OLFM3: variants seen among roughly 807,000 people sequenced by gnomAD.
The protein encoded by OLFM3 is olfactomedin 3.
OLFM3 carries 20 observed loss-of-function variants against 48.6 expected under a neutral mutation model. The observed-to-expected ratio is 0.41, with a 90% CI of 0.29 to 0.60. The LOEUF (loss-of-function observed/expected upper bound fraction) is 0.60, where lower values mean the gene tolerates loss of function less well. OLFM3 is among the 20% of genes least tolerant of loss of function. OLFM3 has a pLI of 0.28. For synonymous variants in OLFM3, 222 were observed against 198.1 expected (o/e 1.12, Z -1.01); for missense variants, 437 against 544.3 (o/e 0.80, Z 1.96).
intron 1 of OLFM3, among the ~76,000 whole-genome samples, chr1:101,859,548 G>A (rs528846772): frequency 5.9e-5 from 9 of 152,152 alleles, no homozygotes; most frequent in African/African-American, 2.2e-4. Context: ...AAATGCTTGG[G>A]GACAGAAGTG....
rs547953595 is a variant in OLFM3, at chr1:101,804,127, T to A, written c.*111A>T. 2.4e-6 allele frequency: 2 copies of A among 844,860 alleles called. No individual in the cohort carries two copies. The highest frequency in any genetic ancestry group is 5.7e-5 in the East Asian group (2 of 34,988). 52.3% of individuals were successfully genotyped at this position (844,860 alleles called of 1,614,324 possible). On this transcript the variant is annotated 3_prime_UTR_variant, in exon 6 of 6. Coordinates refer to ENST00000370103, the MANE Select transcript of OLFM3 (RefSeq NM_058170.4). The surrounding 1 kb of genome is among the most constrained non-coding windows in gnomAD (Gnocchi z 4.5). ...AACACCAACTTTACAATAAAAATGC[T>A]TTGCTTTGGAGAAATGATGAAAAAT...
chr1:101,908,262 T>C (rs1422066785), intron 1 of OLFM3, among the ~76,000 whole-genome samples: 1 of 152,190 alleles, frequency 6.6e-6, no homozygotes, highest in Non-Finnish European at 1.5e-5. Context: ...AAATCCTTTC[T>C]CAACAGCCAT....
chr1:101,907,498 T>C (rs960394767), intron 1 of OLFM3, among the ~76,000 whole-genome samples: 1 of 152,190 alleles, frequency 6.6e-6, no homozygotes, highest in African/African-American at 2.4e-5. Flanking sequence ...CTGACTTTGA[T>C]AGCTGTTTCT....
chr1:101,983,059 TA>T (rs1450337059), intron 1 of OLFM3, among the ~76,000 whole-genome samples: 1 of 152,232 alleles, frequency 6.6e-6, no homozygotes, highest in African/African-American at 2.4e-5. Flanking sequence ...TTTAATCTGG[TA>T]CAGGTTAAGT....
Position 101,878,579 on chromosome 1 carries a change from G to A in OLFM3, c.70-41554C>T, listed in dbSNP as rs533230773. 2.6e-5 allele frequency among the ~76,000 whole-genome samples: 4 copies of A among 151,916 alleles called. No individual in the cohort carries two copies. In the South Asian group the frequency reaches 8.3e-4, roughly 32 times the overall value. On this transcript the variant is annotated intron_variant, in intron 1 of 5. Transcript: ENST00000370103. ...GATTAGTGGTTATAGGAAGCAGTAGGGGTAGAAATAATGGAGACAAGATTC... is the reference window on the plus strand; with the variant it reads ...GATTAGTGGTTATAGGAAGCAGTAGAGGTAGAAATAATGGAGACAAGATTC...
At chr1:101,927,661 TTAA>T (rs1659313383) in intron 1 of OLFM3, among the ~76,000 whole-genome samples, 2 of 151,258 alleles carry the variant, frequency 1.3e-5, no homozygotes, top group African/African-American at 4.8e-5. Flanking sequence ...TATTAACATT[TTAA>T]TAATATACTG....
chr1:101,860,971 A>G (rs899666659), intron 1 of OLFM3, among the ~76,000 whole-genome samples: 5 of 152,096 alleles, frequency 3.3e-5, no homozygotes, highest in African/African-American at 1.2e-4. Context: ...TAATTCACTC[A>G]TTTTAGGGAC....
intron 1 of OLFM3, chr1:101,893,027 C>T (rs1467560467): frequency 6.5e-6 from 1 of 153,700 alleles, no homozygotes; most frequent in Admixed American, 6.6e-5. Flanking sequence ...TAATCAACCT[C>T]AGTTCCTGAA....
intron 1 of OLFM3, among the ~76,000 whole-genome samples, chr1:101,908,835 C>T (rs1451415796): frequency 6.6e-6 from 1 of 152,158 alleles, no homozygotes; most frequent in Non-Finnish European, 1.5e-5. Flanking sequence ...CGAGGAATGC[C>T]TGGAGCCACC....
At position 101,804,535 on chromosome 1, in the gene OLFM3, C is replaced by A; in HGVS notation, c.1080G>T (p.Glu360Asp). Reference sequence around the variant, plus strand: ...AGCCAGTGCTCCAGCTCTTCATCACCTCCAAGGTATCTTGGTTAAGTTGGC... The same window carrying A: ...AGCCAGTGCTCCAGCTCTTCATCACATCCAAGGTATCTTGGTTAAGTTGGC... Reference protein sequence around the residue: ...VISQLNQDTLEVMKSWSTGYP... With the variant: ...VISQLNQDTLDVMKSWSTGYP... Residue 360 changes from glutamate to aspartate, a missense_variant, in exon 6 of 6, where the codon GAG becomes GAT. By Grantham distance (45) the Glu-to-Asp change is conservative. This residue lies in a region of OLFM3 where 108 missense variants were observed against 135.8 expected (regional missense o/e 0.80). Transcript: ENST00000370103. This position sits in a 1 kb window ranked among gnomAD's most constrained non-coding sequence, Gnocchi z 4.5. 5 of 1,612,724 alleles carry A rather than the reference C, an allele frequency of 3.1e-6. No individual in the cohort carries two copies. Among genetic ancestry groups the A allele is most frequent in the Non-Finnish European group, 4.2e-6 (5 of 1,179,186 alleles).
intron 1 of OLFM3, among the ~76,000 whole-genome samples, chr1:101,919,464 T>C (rs1435380490): frequency 6.6e-6 from 1 of 152,232 alleles, no homozygotes; most frequent in African/African-American, 2.4e-5. Context: ...GTCCTTATTT[T>C]ACTGGACCTC....
chr1:101,834,805 A>G (rs894773150), intron 2 of OLFM3, among the ~76,000 whole-genome samples: 1 of 152,254 alleles, frequency 6.6e-6, no homozygotes, highest in African/African-American at 2.4e-5. Flanking sequence ...GACAAATTAC[A>G]TGTTGGATGG....
In OLFM3 at chr1:101,842,278, A is replaced by G. The variant is rs182475615; in HGVS notation, c.70-5253T>C. ...TTAGGGTGCAGTGGCTCAGGTCTAT[A>G]ATCCCAACACTTTGGGAGGCTGGGG... On this transcript the variant is annotated intron_variant, in intron 1 of 5. Transcript: ENST00000370103. Among the ~76,000 whole-genome samples, 476 of 152,300 alleles carry G rather than the reference A, an allele frequency of 3.1e-3. 2 individuals are homozygous for G. The highest frequency in any genetic ancestry group is 5.1e-3 in the Non-Finnish European group (345 of 68,032).
chr1:101,854,619 A>T (rs917815484), intron 1 of OLFM3, among the ~76,000 whole-genome samples: 3 of 152,072 alleles, frequency 2.0e-5, no homozygotes, highest in Admixed American at 1.3e-4. Context: ...GAGTGGTGTG[A>T]CAGAAACCTT....
At chr1:101,854,645 C>T (rs1656347250) in intron 1 of OLFM3, among the ~76,000 whole-genome samples, 1 of 151,972 alleles carries the variant, frequency 6.6e-6, no homozygotes, top group South Asian at 2.1e-4. Context: ...TAGTCACTAC[C>T]TTGCTTTGGG....
chr1:101,983,842 C>T (rs542642037), intron 1 of OLFM3, among the ~76,000 whole-genome samples: 17 of 152,316 alleles, frequency 1.1e-4, no homozygotes, highest in African/African-American at 4.1e-4. Flanking sequence ...ATGAAATATG[C>T]ATTGGTTTTC....
intron 4 of OLFM3, among the ~76,000 whole-genome samples, chr1:101,816,198 G>A (rs527944468): frequency 6.6e-6 from 1 of 152,246 alleles, no homozygotes; most frequent in African/African-American, 2.4e-5. Flanking sequence ...ATGAATCGAA[G>A]TTGGTTTGAA....
chr1:101,943,954 C>T (rs1046507048), intron 1 of OLFM3, among the ~76,000 whole-genome samples: 1 of 151,480 alleles, frequency 6.6e-6, no homozygotes, highest in Non-Finnish European at 1.5e-5. Flanking sequence ...GCAACATTGC[C>T]TAATAACTTA....
At chr1:101,934,118 A>G (rs941918094) in intron 1 of OLFM3, among the ~76,000 whole-genome samples, 1 of 151,996 alleles carries the variant, frequency 6.6e-6, no homozygotes, top group Admixed American at 6.5e-5. Flanking sequence ...ACATATGAAT[A>G]TTAACCTTGA....
Sources: allele counts gnomAD v4.1 joint callset (sites outside exome capture counted in the v4.1 genomes callset), GRCh38; gene constraint gnomAD v4.1.1; regional missense constraint gnomAD v4.1.1; non-coding constraint Gnocchi (gnomAD v3.1); transcripts MANE v1.5; gene names NCBI Gene and HGNC (gene_info 2026-07-23, HGNC 2026-07-21).